Variants in CCDC149 observed in about 807,000 individuals in gnomAD.
CCDC149 encodes the protein coiled-coil domain containing 149.
A neutral mutation model predicts 59.9 loss-of-function variants in CCDC149; 45 were observed. The ratio of observed to expected loss-of-function variants is 0.75; its 90% CI spans 0.59 to 0.96. The LOEUF (loss-of-function observed/expected upper bound fraction) is 0.96. Among genes scored for constraint, CCDC149 ranks in the 40% least tolerant of loss-of-function variants. The probability of loss-of-function intolerance (pLI) is 0.00; values close to 1 mark genes in which losing one functional copy is unlikely to be tolerated. For synonymous variants in CCDC149, 245 were observed against 260.6 expected, an observed-to-expected ratio of 0.94 and a Z score of 0.58; for missense variants, 584 against 664.7, an observed-to-expected ratio of 0.88 and a Z score of 1.33.
intron 12 of CCDC149, among the ~76,000 whole-genome samples, chr4:24,817,158 G>A (rs139460858): frequency 2.4e-4 from 37 of 152,264 alleles, no homozygotes; most frequent in Non-Finnish European, 3.5e-4. Flanking sequence ...CTCATGCTCC[G>A]TTTCAGGTTA....
chr4:24,917,745 G>C (rs1722171581), upstream of CCDC149, among the ~76,000 whole-genome samples: 5 of 152,320 alleles, frequency 3.3e-5, no homozygotes, highest in South Asian at 1.0e-3. Context: ...ATGGAAAAGA[G>C]ACAGGAAAAG....
At chr4:24,821,555 G>C (rs1278537772) in intron 10 of CCDC149, among the ~76,000 whole-genome samples, 1 of 152,184 alleles carries the variant, frequency 6.6e-6, no homozygotes, top group African/African-American at 2.4e-5. Flanking sequence ...ACCTAAGGCA[G>C]CGATTCAAGT....
rs142830244 is a variant in CCDC149 at position 24,836,240 on chromosome 4, G to A, written c.735+196C>T. On this transcript the variant is annotated intron_variant, in intron 7 of 12. Coordinates refer to ENST00000635206, the MANE Select transcript of CCDC149 (RefSeq NM_001330643.2). ...TAACAGCCACAGAAGGAGCTCTTGC[G>A]AAAAGCTGCTTTGGTTTTGTTTGTT... Among the ~76,000 whole-genome samples the A allele has an allele frequency of 2.8e-3, 430 of 152,320 alleles. 4 individuals are homozygous for A. The Middle Eastern group carries it at 0.041, about 14-fold the overall frequency.
At chr4:24,909,185 G>A (rs1721724875) in intron 1 of CCDC149, among the ~76,000 whole-genome samples, 1 of 152,196 alleles carries the variant, frequency 6.6e-6, no homozygotes, top group Non-Finnish European at 1.5e-5. Context: ...AGAGGCAAGT[G>A]GAGGAAGCAA....
intron 1 of CCDC149, among the ~76,000 whole-genome samples, chr4:24,927,273 A>G (rs951715708): frequency 3.9e-5 from 6 of 152,242 alleles, no homozygotes; most frequent in African/African-American, 1.4e-4. Flanking sequence ...CTGTTCTTTC[A>G]CTATACCATG....
chr4:24,839,665 A>G (rs1379079194), intron 4 of CCDC149, among the ~76,000 whole-genome samples: 1 of 152,318 alleles, frequency 6.6e-6, no homozygotes, highest in Middle Eastern at 3.4e-3. Context: ...CAAACCTTCC[A>G]GGTGGGGCTG....
intron 4 of CCDC149, among the ~76,000 whole-genome samples, chr4:24,851,685 G>A (rs969534445): frequency 2.0e-5 from 3 of 152,120 alleles, no homozygotes; most frequent in Non-Finnish European, 4.4e-5. Flanking sequence ...AACTCCTCTA[G>A]TATTTTCATG....
intron 1 of CCDC149, among the ~76,000 whole-genome samples, chr4:24,924,807 G>C (rs974054494): frequency 6.6e-6 from 1 of 152,160 alleles, no homozygotes; most frequent in African/African-American, 2.4e-5. Flanking sequence ...AACTTGTCCA[G>C]ATGCCACCTC....
At chr4:24,934,746 G>A (rs924552337) in intron 1 of CCDC149, among the ~76,000 whole-genome samples, 1 of 152,194 alleles carries the variant, frequency 6.6e-6, no homozygotes, top group Non-Finnish European at 1.5e-5. Flanking sequence ...TCTAGACAGA[G>A]GGAACCATGA....
upstream of CCDC149, among the ~76,000 whole-genome samples, chr4:24,914,918 C>T (rs1280849015): frequency 6.6e-6 from 1 of 152,172 alleles, no homozygotes; most frequent in African/African-American, 2.4e-5. Context: ...TACTAGTCAG[C>T]ACATTGGTTT....
intron 9 of CCDC149, chr4:24,828,207 G>C (rs1715890701): frequency 6.6e-6 from 1 of 151,356 alleles, no homozygotes; most frequent in African/African-American, 2.4e-5. Flanking sequence ...TTATTACAGG[G>C]GGAAAAATCA....
intron 1 of CCDC149, among the ~76,000 whole-genome samples, chr4:24,909,266 G>A (rs994274202): frequency 3.3e-5 from 5 of 152,136 alleles, no homozygotes; most frequent in African/African-American, 1.2e-4. Flanking sequence ...ACAGCACCCA[G>A]GACTTCTGCA....
intron 1 of CCDC149, among the ~76,000 whole-genome samples, chr4:24,959,677 G>C (rs1257186285): frequency 2.6e-5 from 4 of 152,166 alleles, no homozygotes; most frequent in Non-Finnish European, 5.9e-5. Context: ...TTTTATACAT[G>C]TTATGGACAG....
In CCDC149 at chr4:24,837,182, A is replaced by G; in HGVS notation, c.662+46T>C. On this transcript the variant is annotated intron_variant, in intron 6 of 12. Coordinates refer to ENST00000635206, the MANE Select transcript of CCDC149 (RefSeq NM_001330643.2). This position sits in a 1 kb window ranked among gnomAD's most constrained non-coding sequence, Gnocchi z 4.3. ...TAACTCCCAGCCTGCAGGCCTGTGC[A>G]GAGCCAGCCTTCCTCCCACGCACAG... 1 of 1,584,634 alleles carries G rather than the reference A, an allele frequency of 6.3e-7. No individual in the cohort carries two copies. The highest frequency in any genetic ancestry group is 8.6e-7 in the Non-Finnish European group (1 of 1,156,900).
intron 1 of CCDC149, among the ~76,000 whole-genome samples, chr4:24,895,338 G>A (rs776848143): frequency 3.3e-5 from 5 of 152,134 alleles, no homozygotes; most frequent in African/African-American, 4.8e-5. Context: ...TGCCTCTGCT[G>A]TCTACGTGTT....
intron 2 of CCDC149, among the ~76,000 whole-genome samples, chr4:24,874,920 A>G (rs1181448672): frequency 6.6e-6 from 1 of 152,218 alleles, no homozygotes; most frequent in African/African-American, 2.4e-5. Flanking sequence ...TTGCCATATA[A>G]AAACCTAGAG....
chr4:24,931,829 G>GTATATATATATATAGATATATA (rs1722598178), intron 1 of CCDC149, among the ~76,000 whole-genome samples: 1 of 76,908 alleles, frequency 1.3e-5, no homozygotes. Flanking sequence ...TGGAGAGTAT[G>GTATATATATATATAGATATATA]TATATATATA....
intron 3 of CCDC149, among the ~76,000 whole-genome samples, chr4:24,872,958 T>TGAATGGTATGCACCCGCA (rs60513383): frequency 2.0e-5 from 3 of 147,214 alleles, no homozygotes; most frequent in African/African-American, 5.1e-5. Context: ...TATGACCCAC[T>TGAATGGTATGCACCCGCA]GAATGGTATG....
chr4:24,970,216 C>G (rs1283975181), intron 1 of CCDC149, among the ~76,000 whole-genome samples: 3 of 152,236 alleles, frequency 2.0e-5, no homozygotes, highest in Admixed American at 6.5e-5. Flanking sequence ...ATTGTGGACT[C>G]AGCCCACACC....
Sources: gnomAD v4.1 joint callset for allele counts (sites outside exome capture counted in the v4.1 genomes callset) on GRCh38, gnomAD v4.1.1 for gene constraint, Gnocchi (gnomAD v3.1) non-coding constraint, MANE v1.5 for transcripts, NCBI Gene and HGNC (gene_info 2026-07-23, HGNC 2026-07-21) for gene names.